NELL1: variants seen among roughly 807,000 people sequenced by gnomAD.
NELL1 encodes protein kinase C-binding protein NELL1.
Under a neutral mutation model 107.4 loss-of-function variants are expected in NELL1, and 76 were observed. The observed-to-expected ratio is 0.71, with a 90% CI of 0.59 to 0.86. NELL1 has a LOEUF of 0.86. Among genes scored for constraint, NELL1 ranks in the 40% least tolerant of loss-of-function variants. The pLI, the probability that NELL1 is intolerant of heterozygous loss-of-function variation, is 0.00. For synonymous variants in NELL1, 353 were observed against 341.2 expected, an observed-to-expected ratio of 1.03 and a Z score of -0.38; for missense variants, 1,024 against 1,005.5, an observed-to-expected ratio of 1.02 and a Z score of -0.25.
At chr11:20,735,698 G>A (rs778094449) in intron 2 of NELL1, among the ~76,000 whole-genome samples, 1 of 152,174 alleles carries the variant, frequency 6.6e-6, no homozygotes, top group Non-Finnish European at 1.5e-5. Context: ...TTGAAGTAAG[G>A]TTAAAAGAGA....
Position 20,749,927 on chromosome 11 carries a change from A to G in NELL1, c.185-33753A>G, listed in dbSNP as rs375951403. Among the ~76,000 whole-genome samples, 20 of 152,220 alleles carry G rather than the reference A, an allele frequency of 1.3e-4. 1 individual carries two copies. The highest frequency in any genetic ancestry group is 4.8e-4 in the African/African-American group (20 of 41,534). On this transcript the variant is annotated intron_variant, in intron 2 of 19. Transcript: ENST00000357134. Reference sequence around the variant, plus strand: ...TATTTTTATTGTCAGCTAGTTTTCCATTGTATGAAAATATTATTTATTTTG... The same window carrying G: ...TATTTTTATTGTCAGCTAGTTTTCCGTTGTATGAAAATATTATTTATTTTG...
chr11:21,472,413 C>A (rs1371057111), intron 15 of NELL1, among the ~76,000 whole-genome samples: 2 of 151,962 alleles, frequency 1.3e-5, no homozygotes, highest in African/African-American at 4.8e-5. Flanking sequence ...TTAACTCATG[C>A]CACTAAGCAC....
At chr11:21,252,568 G>A (rs1202420196) in intron 14 of NELL1, among the ~76,000 whole-genome samples, 3 of 152,112 alleles carry the variant, frequency 2.0e-5, no homozygotes, top group Non-Finnish European at 4.4e-5. Context: ...CTCAAAATGA[G>A]CTCAGATATA....
At chr11:21,489,379 TCAAAA>T (rs1256112658) in intron 15 of NELL1, among the ~76,000 whole-genome samples, 3 of 15,820 alleles carry the variant, frequency 1.9e-4, no homozygotes, top group South Asian at 2.3e-3. Flanking sequence ...TGAAAGTATT[TCAAAA>T]AAAAAAAAAA....
intron 12 of NELL1, among the ~76,000 whole-genome samples, chr11:21,013,020 G>T (rs1462596187): frequency 6.6e-6 from 1 of 152,050 alleles, no homozygotes; most frequent in Non-Finnish European, 1.5e-5. Flanking sequence ...TCCAAGAAAA[G>T]AAAGGATTTG....
intron 12 of NELL1, among the ~76,000 whole-genome samples, chr11:21,087,560 A>G (rs1363338488): frequency 6.6e-6 from 1 of 152,146 alleles, no homozygotes; most frequent in Non-Finnish European, 1.5e-5. Flanking sequence ...GCTTTTCTCT[A>G]ATATCATTTA....
At chr11:21,147,562 G>C (rs966141781) in intron 13 of NELL1, among the ~76,000 whole-genome samples, 4 of 152,058 alleles carry the variant, frequency 2.6e-5, no homozygotes, top group African/African-American at 9.7e-5. Context: ...GCTGGGCATG[G>C]TGGCTCCCGC....
At chr11:21,002,820 G>T (rs1852252621) in intron 12 of NELL1, among the ~76,000 whole-genome samples, 1 of 152,112 alleles carries the variant, frequency 6.6e-6, no homozygotes, top group Non-Finnish European at 1.5e-5. Context: ...GTCACACTCT[G>T]TCTCCTGACA....
At chr11:20,787,007 CAA>C (rs71443763) in intron 3 of NELL1, among the ~76,000 whole-genome samples, 1,009 of 60,648 alleles carry the variant, frequency 0.017, 3 homozygotes, top group Middle Eastern at 0.05. Context: ...GACTCCGTCT[CAA>C]AAAAAAAAAA....
At chr11:20,842,735 G>C (rs1848642280) in intron 3 of NELL1, among the ~76,000 whole-genome samples, 1 of 152,160 alleles carries the variant, frequency 6.6e-6, no homozygotes, top group Non-Finnish European at 1.5e-5. Flanking sequence ...TAATTTTTAA[G>C]GTTGTTACGA....
chr11:20,959,507 G>C (rs572060560), intron 11 of NELL1, among the ~76,000 whole-genome samples: 1 of 152,142 alleles, frequency 6.6e-6, no homozygotes, highest in Admixed American at 6.5e-5. Flanking sequence ...ATGAATTAGT[G>C]GCATTCACAG....
intron 2 of NELL1, among the ~76,000 whole-genome samples, chr11:20,715,245 T>C (rs2133901308): frequency 6.6e-6 from 1 of 151,144 alleles, no homozygotes; most frequent in East Asian, 2.0e-4. Context: ...AAAAAAAAAT[T>C]ATATATTGCG....
chr11:20,744,716 A>G lies in NELL1; in HGVS notation c.185-38964A>G, dbSNP rs563287937. Among the ~76,000 whole-genome samples the G allele has an allele frequency of 3.9e-5, 6 of 152,314 alleles. No homozygotes were observed. The South Asian group carries it at 1.0e-3, about 26-fold the overall frequency. ...TGTTTTAAGCCTTTGCATATATCAC[A>G]TCTATTTATGCTCCATTGGCCAAAG... On this transcript the variant is annotated intron_variant, in intron 2 of 19. Transcript: ENST00000357134.
chr11:21,259,728 A>T (rs995302917), intron 14 of NELL1, among the ~76,000 whole-genome samples: 1 of 151,742 alleles, frequency 6.6e-6, no homozygotes, highest in South Asian at 2.1e-4. Flanking sequence ...TATAGTCCAT[A>T]GACCTTTTTC....
chr11:20,791,010 A>G (rs1857063426), intron 3 of NELL1, among the ~76,000 whole-genome samples: 2 of 152,186 alleles, frequency 1.3e-5, no homozygotes, highest in Admixed American at 1.3e-4. Context: ...GAAATTGATG[A>G]ATCTTCCAAG....
chr11:20,825,294 A>G (rs1208146330), intron 3 of NELL1, among the ~76,000 whole-genome samples: 2 of 151,362 alleles, frequency 1.3e-5, no homozygotes, highest in Non-Finnish European at 3.0e-5. Flanking sequence ...GTCACTGCCT[A>G]GTAGAGATGT....
At chr11:21,008,617 G>T (rs1852380908) in intron 12 of NELL1, among the ~76,000 whole-genome samples, 1 of 152,088 alleles carries the variant, frequency 6.6e-6, no homozygotes, top group African/African-American at 2.4e-5. Flanking sequence ...AAAAGCTATG[G>T]ACAGAAGTGT....
intron 2 of NELL1, among the ~76,000 whole-genome samples, chr11:20,730,926 G>T (rs1855624505): frequency 6.6e-6 from 1 of 152,180 alleles, no homozygotes; most frequent in South Asian, 2.1e-4. Context: ...GCCAGATCTG[G>T]ATATGTCTTG....
chr11:21,446,898 C>T (rs929928827), intron 15 of NELL1, among the ~76,000 whole-genome samples: 9 of 152,172 alleles, frequency 5.9e-5, no homozygotes, highest in African/African-American at 1.4e-4. Context: ...CCAGAGATGC[C>T]GTCTGGGAGC....
Sources: gnomAD v4.1 joint callset for allele counts (sites outside exome capture counted in the v4.1 genomes callset) on GRCh38, gnomAD v4.1.1 for gene constraint, MANE v1.5 for transcripts, NCBI Gene and HGNC (gene_info 2026-07-23, HGNC 2026-07-21) for gene names.